The following POTEJ variants were observed in gnomAD, a reference collection of about 807,000 sequenced individuals.
The protein encoded by POTEJ is POTE ankyrin domain family member J.
In POTEJ, 11 loss-of-function variants were observed where a neutral mutation model predicts 69.0. The observed-to-expected ratio is 0.16, with a 90% CI of 0.10 to 0.26. POTEJ has a LOEUF of 0.26. Ranked by LOEUF, POTEJ falls within the 10% of genes least tolerant of loss-of-function variation. POTEJ has a pLI of 1.00. For missense variants in POTEJ, 327 were observed against 1,045.5 expected (o/e 0.31, Z 9.48); for synonymous variants, 117 against 381.1 (o/e 0.31, Z 8.07).
chr2:130,639,358 C>G (rs1333855310), intron 10 of POTEJ, among the ~76,000 whole-genome samples: 1 of 152,310 alleles, frequency 6.6e-6, no homozygotes, highest in African/African-American at 2.4e-5. Context: ...CAAGGTCTCA[C>G]TATTACTGAC....
At position 130,633,078 on chromosome 2, in the gene POTEJ, T is replaced by C. The variant is rs1204711458; in HGVS notation, c.1298+422T>C. On this transcript the variant is annotated intron_variant, in intron 9 of 14. Transcript: ENST00000409602. ...TCAAGTAGACCCTGGTGCCTGTTAT[T>C]CTCCTCTTTGTGTCCATGAGTTCTC... Among the ~76,000 whole-genome samples the C allele has an allele frequency of 9.6e-5, 14 of 145,192 alleles. 1 individual carries two copies. The highest frequency in any genetic ancestry group is 6.1e-5 in the Non-Finnish European group (4 of 66,106).
chr2:130,634,826 A>T (rs1349173103), intron 9 of POTEJ, among the ~76,000 whole-genome samples: 1 of 149,378 alleles, frequency 6.7e-6, no homozygotes, highest in African/African-American at 2.5e-5. Context: ...CACGAACTCA[A>T]ATTTTCTTTT....
rs918249680 is a variant in POTEJ, at chr2:130,656,160, C to T, written c.1789-389C>T. Among the ~76,000 whole-genome samples the T allele has an allele frequency of 7.6e-5, 11 of 145,114 alleles. 1 individual carries two copies. Among genetic ancestry groups the T allele is most frequent in the African/African-American group, 2.8e-4 (11 of 38,950 alleles). On this transcript the variant is annotated intron_variant, in intron 14 of 14. Coordinates refer to ENST00000409602, the MANE Select transcript of POTEJ (RefSeq NM_001277083.2). The stretch of plus-strand genomic sequence containing the variant: ...ATAGGTTAGATATCAGAGTGTAAAC[C>T]TAATCTTAAAAATGTAGTCAAATTG...
intron 7 of POTEJ, among the ~76,000 whole-genome samples, chr2:130,630,738 A>G (rs1488426975): frequency 6.9e-6 from 1 of 145,716 alleles, no homozygotes; most frequent in Non-Finnish European, 1.5e-5. Flanking sequence ...CAGTTGCAGA[A>G]AATTAGTACA....
intron 10 of POTEJ, among the ~76,000 whole-genome samples, chr2:130,639,474 G>A (rs1255802083): frequency 3.3e-5 from 5 of 152,298 alleles, no homozygotes; most frequent in African/African-American, 1.2e-4. Flanking sequence ...AATTTTGTTA[G>A]AAGAAGGTGC....
At chr2:130,636,080 AC>A (rs1397584860) in intron 9 of POTEJ, among the ~76,000 whole-genome samples, 5 of 144,222 alleles carry the variant, frequency 3.5e-5, no homozygotes, top group Non-Finnish European at 7.4e-5. Context: ...TCCTGTATCT[AC>A]CCCTAGTGCT....
intron 14 of POTEJ, among the ~76,000 whole-genome samples, chr2:130,655,662 T>C (rs1363595942): frequency 3.9e-5 from 6 of 152,078 alleles, no homozygotes; most frequent in Non-Finnish European, 8.8e-5. Flanking sequence ...AAAGAGGAAA[T>C]AAAAGTTACC....
chr2:130,624,510 T>C (rs1685632151), intron 6 of POTEJ, among the ~76,000 whole-genome samples: 3 of 151,812 alleles, frequency 2.0e-5, no homozygotes, highest in Non-Finnish European at 2.9e-5. Flanking sequence ...AATGAGTATC[T>C]AATGCTATCA....
intron 10 of POTEJ, among the ~76,000 whole-genome samples, chr2:130,642,911 G>T (rs1478972132): frequency 1.3e-5 from 2 of 150,498 alleles, no homozygotes; most frequent in Non-Finnish European, 3.0e-5. Flanking sequence ...TTAAGTCTCT[G>T]CTTGGGCATG....
chr2:130,635,123 T>G (rs1686045285), intron 9 of POTEJ, among the ~76,000 whole-genome samples: 1 of 138,750 alleles, frequency 7.2e-6, no homozygotes, highest in Non-Finnish European at 1.5e-5. Flanking sequence ...TTTTGGACAT[T>G]GTTGTTTCCC....
rs956413372 is a variant in POTEJ, at chr2:130,636,838, A to G, written c.1299-1781A>G. 2.0e-5 allele frequency among the ~76,000 whole-genome samples: 3 copies of G among 147,806 alleles called. 1 individual carries two copies. Among genetic ancestry groups the G allele is most frequent in the Non-Finnish European group, 4.6e-5 (3 of 65,798 alleles). On this transcript the variant is annotated intron_variant, in intron 9 of 14. Coordinates refer to ENST00000409602, the MANE Select transcript of POTEJ (RefSeq NM_001277083.2). ...TCGGGCATGGTGGCTCACACCTGTA[A>G]TCACAGCACTTTGGGAGGCCAAGGC...
rs915623751 is a variant in POTEJ, at chr2:130,623,697, A to T, written c.945-367A>T. On this transcript the variant is annotated intron_variant, in intron 5 of 14. Coordinates refer to ENST00000409602, the MANE Select transcript of POTEJ (RefSeq NM_001277083.2). ...AACAACCTAGTGAAATAAGGCAGCA[A>T]AGTCCTCACTTTGTTGAAGAAGACA... 1.5e-5 allele frequency among the ~76,000 whole-genome samples: 2 copies of T among 134,934 alleles called. 1 individual carries two copies. The highest frequency in any genetic ancestry group is 3.1e-5 in the Non-Finnish European group (2 of 64,288). The allele number at this position is 134,934 out of a possible 152,430, so 88.5% of individuals were successfully genotyped here. A position where few individuals can be genotyped will look rare whatever the true frequency, so the allele number is the denominator to read the frequency against.
rs1304314571 is a variant in POTEJ at position 130,657,596 on chromosome 2, A to G, written c.2836A>G (p.Met946Val). ...CCATGAAACTACCTTCAACTCCATC[A>G]TGAAGTCTGATGTGGACATCCGCAA... ...GIHETTFNSIMKSDVDIRKDL... is the reference protein window; with the variant it reads ...GIHETTFNSIVKSDVDIRKDL... The change falls in exon 15 of 15, where the codon ATG becomes GTG. Residue 946 changes from methionine (M) to valine (V), a missense_variant. Met to Val is a conservative substitution (Grantham distance 21, BLOSUM62 1). Coordinates refer to ENST00000409602, the MANE Select transcript of POTEJ (RefSeq NM_001277083.2). 3.9e-6 allele frequency: 6 copies of G among 1,535,720 alleles called. No individual in the cohort carries two copies. Among genetic ancestry groups the G allele is most frequent in the Admixed American group, 1.8e-5 (1 of 57,050 alleles).
chr2:130,639,781 T>G (rs1206259607), intron 10 of POTEJ, among the ~76,000 whole-genome samples: 2 of 151,490 alleles, frequency 1.3e-5, no homozygotes, highest in Non-Finnish European at 3.0e-5. Context: ...ATTTCATTTC[T>G]GTGGTTTTTC....
chr2:130,648,027 G>A (rs540516609), intron 13 of POTEJ, among the ~76,000 whole-genome samples: 4,487 of 146,936 alleles, frequency 0.031, 90 homozygotes, highest in African/African-American at 0.11. Context: ...CCTGTTAATA[G>A]AACTCAGTAT....
chr2:130,656,850 T>C lies in POTEJ; in HGVS notation c.2090T>C (p.Ile697Thr). ...DDAPRAVFPSIVGCPRQQGMM... is the reference protein window; with the variant it reads ...DDAPRAVFPSTVGCPRQQGMM... Reference sequence around the variant, plus strand: ...GCCCCCCGGGCTGTCTTCCCTTCCATCGTGGGGTGCCCCAGGCAGCAGGGC... The same window carrying C: ...GCCCCCCGGGCTGTCTTCCCTTCCACCGTGGGGTGCCCCAGGCAGCAGGGC... The change falls in exon 15 of 15, where the codon ATC (isoleucine) becomes ACC (threonine). Residue 697 changes from isoleucine to threonine, a missense_variant. Transcript: ENST00000409602. 6.3e-7 allele frequency: 1 copy of C among 1,587,018 alleles called. No homozygotes were observed. Among genetic ancestry groups the C allele is most frequent in the Non-Finnish European group, 8.6e-7 (1 of 1,161,490 alleles).
Sources: allele counts gnomAD v4.1 joint callset (sites outside exome capture counted in the v4.1 genomes callset), GRCh38; gene constraint gnomAD v4.1.1; transcripts MANE v1.5; gene names NCBI Gene and HGNC (gene_info 2026-07-23, HGNC 2026-07-21).